Variants in OR51B5 observed in about 807,000 individuals in gnomAD.
OR51B5 encodes olfactory receptor family 51 subfamily B member 5, also known as olfactory receptor 51B5.
For synonymous variants in OR51B5, 186 were observed against 144.8 expected (o/e 1.28, Z -2.04); for missense variants, 456 against 374.6 (o/e 1.22, Z -1.79).
At chr11:5,423,556 G>A (rs1323801380) in intron 1 of OR51B5, among the ~76,000 whole-genome samples, 9 of 152,116 alleles carry the variant, frequency 5.9e-5, no homozygotes, top group Admixed American at 3.9e-4. Context: ...TAGGCATTTA[G>A]GTAAACATTA....
chr11:5,462,384 C>T (rs898847521), intron 1 of OR51B5, among the ~76,000 whole-genome samples: 49 of 152,100 alleles, frequency 3.2e-4, no homozygotes, highest in Non-Finnish European at 1.3e-4. Flanking sequence ...AGGGGAAAGG[C>T]GAAAGGAGAA....
chr11:5,346,879 A>C (rs1849000562), upstream of OR51B5: 1 of 152,116 alleles, frequency 6.6e-6, no homozygotes, highest in Non-Finnish European at 1.5e-5. Context: ...GTCTTACCTA[A>C]AGACTTAGAT....
At chr11:5,404,176 GGC>G (rs1381522064) in intron 1 of OR51B5, among the ~76,000 whole-genome samples, 19 of 144,370 alleles carry the variant, frequency 1.3e-4, no homozygotes, top group Admixed American at 4.8e-4. Flanking sequence ...GGGCGGGGAG[GGC>G]GGGGGGCGGA....
intron 1 of OR51B5, chr11:5,489,066 C>T (rs779351366): frequency 9.9e-6 from 16 of 1,614,018 alleles, no homozygotes; most frequent in Non-Finnish European, 1.2e-5. Flanking sequence ...TTCTACTTGC[C>T]ATGGCCTTTG....
intron 1 of OR51B5, among the ~76,000 whole-genome samples, chr11:5,396,303 T>C (rs1375970682): frequency 2.0e-5 from 3 of 152,226 alleles, no homozygotes; most frequent in African/African-American, 7.2e-5. Flanking sequence ...GATGACGTGA[T>C]TGCATATCTA....
At chr11:5,437,369 T>C (rs1314755864) in intron 1 of OR51B5, among the ~76,000 whole-genome samples, 1 of 152,152 alleles carries the variant, frequency 6.6e-6, no homozygotes, top group African/African-American at 2.4e-5. Flanking sequence ...AGACTGGAGC[T>C]TGAAGGCCAG....
chr11:5,466,526 G>T (rs1241526609), intron 1 of OR51B5, among the ~76,000 whole-genome samples: 1 of 152,148 alleles, frequency 6.6e-6, no homozygotes, highest in Non-Finnish European at 1.5e-5. Context: ...AAAAAGACTT[G>T]AAACAAAAAG....
chr11:5,498,931 G>C (rs903567585), intron 1 of OR51B5, among the ~76,000 whole-genome samples: 1 of 152,144 alleles, frequency 6.6e-6, no homozygotes, highest in Non-Finnish European at 1.5e-5. Flanking sequence ...ATAAGGGCTG[G>C]AGGCCAGATG....
At chr11:5,395,108 T>C (rs903350101) in intron 1 of OR51B5, among the ~76,000 whole-genome samples, 2 of 152,346 alleles carry the variant, frequency 1.3e-5, no homozygotes, top group East Asian at 1.9e-4. Context: ...CCATTTAAGA[T>C]AACTGGGCAT....
At chr11:5,355,762 T>TAA (rs10581803) in intron 1 of OR51B5, among the ~76,000 whole-genome samples, 3 of 148,492 alleles carry the variant, frequency 2.0e-5, no homozygotes, top group Non-Finnish European at 4.5e-5. Context: ...CTTTAAAAAT[T>TAA]AAAAAAAAAA....
intron 1 of OR51B5, chr11:5,505,440 C>G: frequency 7.7e-7 from 1 of 1,303,720 alleles, no homozygotes; most frequent in Non-Finnish European, 1.0e-6. Context: ...TTAATCTGGA[C>G]AAAAACTATC....
chr11:5,477,217 G>GC (rs1200052533), intron 1 of OR51B5, among the ~76,000 whole-genome samples: 1 of 152,014 alleles, frequency 6.6e-6, no homozygotes, highest in Non-Finnish European at 1.5e-5. Flanking sequence ...TCTCTTGGGG[G>GC]CCCCATGAGT....
chr11:5,478,081 G>A (rs1396737097), intron 1 of OR51B5, among the ~76,000 whole-genome samples: 2 of 151,848 alleles, frequency 1.3e-5, no homozygotes, highest in Non-Finnish European at 2.9e-5. Context: ...CAAAAAGACA[G>A]CAGTAACCTC....
chr11:5,449,809 A>G (rs1850817411), intron 1 of OR51B5, among the ~76,000 whole-genome samples: 1 of 152,216 alleles, frequency 6.6e-6, no homozygotes, highest in Non-Finnish European at 1.5e-5. Context: ...TTATGAATTC[A>G]GTGATAACAA....
intron 1 of OR51B5, among the ~76,000 whole-genome samples, chr11:5,444,261 G>A (rs1329833592): frequency 6.6e-6 from 1 of 152,076 alleles, no homozygotes; most frequent in Non-Finnish European, 1.5e-5. Context: ...ATTTGGTTCT[G>A]TAACTTTTCT....
At chr11:5,482,911 ACTGTAAACTAGTTCAAC>A (rs1851445894) in intron 1 of OR51B5, among the ~76,000 whole-genome samples, 1 of 77,716 alleles carries the variant, frequency 1.3e-5, no homozygotes, top group African/African-American at 5.7e-5. Flanking sequence ...TGTTGGTGGG[ACTGTAAACTAGTTCAAC>A]CATTGTGGAA....
chr11:5,453,642 G>C lies in OR51B5; in HGVS notation n.84+51927C>G, dbSNP rs142661859. 1.9e-6 allele frequency: 3 copies of C among 1,613,712 alleles called. No homozygotes were observed. The highest frequency in any genetic ancestry group is 2.7e-5 in the African/African-American group (2 of 75,000). On this transcript the variant is annotated intron_variant and non_coding_transcript_variant, in intron 1 of 4. Transcript: ENST00000415970. ...AGTGATCCTGCAGGCTGTGCGAGTG[G>C]AGCCCAGCCTCCATGAGCCCATGTA...
At chr11:5,424,321 G>T (rs1469720211) in intron 1 of OR51B5, among the ~76,000 whole-genome samples, 1 of 151,988 alleles carries the variant, frequency 6.6e-6, no homozygotes, top group African/African-American at 2.4e-5. Flanking sequence ...GTTATTCGGG[G>T]AAAAGAGAAA....
At chr11:5,493,507 A>T in intron 1 of OR51B5, among the ~76,000 whole-genome samples, 1 of 152,330 alleles carries the variant, frequency 6.6e-6, no homozygotes, top group East Asian at 1.9e-4. Context: ...ATGAGAAATC[A>T]TAAGAAGGTA....
Sources: gnomAD v4.1 joint callset for allele counts (sites outside exome capture counted in the v4.1 genomes callset) on GRCh38, gnomAD v4.1.1 for gene constraint, MANE v1.5 for transcripts, NCBI Gene and HGNC (gene_info 2026-07-23, HGNC 2026-07-21) for gene names.